The following ZNF536 variants were observed in gnomAD, a reference collection of about 807,000 sequenced individuals.
ZNF536 encodes zinc finger protein 536.
A neutral mutation model predicts 84.5 loss-of-function variants in ZNF536; 13 were observed. The observed-to-expected ratio is 0.15, with a 90% CI of 0.10 to 0.24. ZNF536 has a LOEUF of 0.24. ZNF536 is among the 10% of genes least tolerant of loss of function. The probability of loss-of-function intolerance (pLI) is 1.00; values close to 1 mark genes in which losing one functional copy is unlikely to be tolerated. For missense variants in ZNF536, 1,536 were observed against 1,747.5 expected, an observed-to-expected ratio of 0.88 and a Z score of 2.16; for synonymous variants, 811 against 742.5, an observed-to-expected ratio of 1.09 and a Z score of -1.50.
chr19:30,252,064 C>G (rs917902562), intron 1 of ZNF536, among the ~76,000 whole-genome samples: 1 of 152,116 alleles, frequency 6.6e-6, no homozygotes, highest in African/African-American at 2.4e-5. Flanking sequence ...GGACTAATAT[C>G]CAGAATCTAC....
intron 2 of ZNF536, among the ~76,000 whole-genome samples, chr19:30,519,335 A>T (rs1019663504): frequency 6.6e-6 from 1 of 152,146 alleles, no homozygotes; most frequent in Non-Finnish European, 1.5e-5. Flanking sequence ...CTGTGGCAGG[A>T]GGGACTGGAA....
chr19:30,380,336 G>A (rs868058021), intron 1 of ZNF536, among the ~76,000 whole-genome samples: 4 of 152,086 alleles, frequency 2.6e-5, no homozygotes, highest in South Asian at 2.1e-4. Context: ...AGGAAACTTC[G>A]TCCTTGCAAA....
At chr19:30,371,571 T>G (rs140428415), upstream of ZNF536, among the ~76,000 whole-genome samples, 2,165 of 130,292 alleles carry the variant, frequency 0.017, 69 homozygotes, top group African/African-American at 0.059. Flanking sequence ...TTTTTTTTTT[T>G]GTTTTTTTTT....
chr19:30,374,488 TTAAATATA>T (rs1164872793), intron 1 of ZNF536, among the ~76,000 whole-genome samples: 1 of 142,002 alleles, frequency 7.0e-6, no homozygotes, highest in Non-Finnish European at 1.6e-5. Flanking sequence ...CCATAACCAA[TTAAATATA>T]GTGTTTTTTT....
intron 2 of ZNF536, among the ~76,000 whole-genome samples, chr19:30,530,093 G>T (rs1166908280): frequency 1.3e-5 from 2 of 152,170 alleles, no homozygotes; most frequent in Non-Finnish European, 2.9e-5. Flanking sequence ...AGCTGGCAGG[G>T]GTCTGTCATT....
chr19:30,684,333 C>T (rs891528359), intron 1 of ZNF536, among the ~76,000 whole-genome samples: 34 of 152,110 alleles, frequency 2.2e-4, no homozygotes, highest in African/African-American at 8.2e-4. Context: ...GATGGGGTTT[C>T]ACTATGTTGC....
chr19:30,527,070 C>A (rs1599696472), intron 2 of ZNF536, among the ~76,000 whole-genome samples: 1 of 151,796 alleles, frequency 6.6e-6, no homozygotes, highest in African/African-American at 2.4e-5. Flanking sequence ...AGGTGCCTGC[C>A]ACCACACCTG....
At chr19:30,439,518 CT>C (rs1344738421) in intron 1 of ZNF536, among the ~76,000 whole-genome samples, 1 of 152,230 alleles carries the variant, frequency 6.6e-6, no homozygotes, top group Non-Finnish European at 1.5e-5. Context: ...ACCCCATACT[CT>C]TTCCAGGAAC....
intron 2 of ZNF536, among the ~76,000 whole-genome samples, chr19:30,497,416 A>G (rs1028743119): frequency 2.1e-4 from 32 of 152,176 alleles, no homozygotes; most frequent in African/African-American, 7.5e-4. Flanking sequence ...CTTCTGACAC[A>G]TCTCACTCTA....
At chr19:30,537,076 A>G (rs904907559) in intron 3 of ZNF536, among the ~76,000 whole-genome samples, 1 of 152,158 alleles carries the variant, frequency 6.6e-6, no homozygotes, top group Non-Finnish European at 1.5e-5. Flanking sequence ...TCCATGCACT[A>G]GACTGTGAAC....
At position 30,237,577 on chromosome 19, in the gene ZNF536, C is replaced by G. The variant is rs533299024; in HGVS notation, c.-190+8904C>G. 7.2e-4 allele frequency among the ~76,000 whole-genome samples: 109 copies of G among 152,296 alleles called. 1 individual carries two copies. Among genetic ancestry groups the G allele is most frequent in the African/African-American group, 2.5e-3 (104 of 41,570 alleles). On this transcript the variant is annotated intron_variant, in intron 1 of 5. Coordinates refer to the ZNF536 transcript ENST00000585628. ...CCAAGGCGACCCTCCTTTTACTAAT[C>G]TCTATCATCAACGGACTCTTAACCT...
At chr19:30,458,276 G>A (rs1023810996) in intron 2 of ZNF536, among the ~76,000 whole-genome samples, 3 of 151,726 alleles carry the variant, frequency 2.0e-5, no homozygotes, top group Non-Finnish European at 2.9e-5. Flanking sequence ...ATTCGGAGAC[G>A]CCTCTCAGCT....
At chr19:30,551,021 C>G (rs534169782) in intron 4 of ZNF536, among the ~76,000 whole-genome samples, 195 of 150,790 alleles carry the variant, frequency 1.3e-3, no homozygotes, top group African/African-American at 4.7e-3. Flanking sequence ...AAATTTTTTC[C>G]CCTTTTTTTT....
intron 1 of ZNF536, among the ~76,000 whole-genome samples, chr19:30,679,355 AG>A (rs2050878134): frequency 6.6e-6 from 1 of 152,222 alleles, no homozygotes; most frequent in Non-Finnish European, 1.5e-5. Context: ...CCGGGAAGGA[AG>A]GGAAAGGAGA....
At chr19:30,505,823 A>T (rs2055154673) in intron 2 of ZNF536, among the ~76,000 whole-genome samples, 1 of 151,788 alleles carries the variant, frequency 6.6e-6, no homozygotes, top group South Asian at 2.1e-4. Flanking sequence ...GCGCCAACGC[A>T]CCCGGCTAAT....
chr19:30,292,495 CTTTG>C (rs1253609071), intron 2 of ZNF536, among the ~76,000 whole-genome samples: 4 of 151,968 alleles, frequency 2.6e-5, no homozygotes, highest in Non-Finnish European at 5.9e-5. Context: ...CATCACACTA[CTTTG>C]TTTGTATTTT....
chr19:30,414,780 T>C (rs2050641646), intron 1 of ZNF536, among the ~76,000 whole-genome samples: 1 of 152,256 alleles, frequency 6.6e-6, no homozygotes, highest in Non-Finnish European at 1.5e-5. Context: ...TTTTATTTCC[T>C]CTGTTGTATA....
In ZNF536 at chr19:30,484,682, CTTCT is replaced by C. The variant is rs1568476471; in HGVS notation, c.2170+38953_2170+38956del. 3.3e-3 allele frequency among the ~76,000 whole-genome samples: 419 copies of C among 125,612 alleles called. 3 individuals carry two copies. The highest frequency in any genetic ancestry group is 0.015 in the African/African-American group (397 of 26,812). The allele number at this position is 125,612 out of a possible 152,430, so 82.4% of individuals were successfully genotyped here. On this transcript the variant is annotated intron_variant, in intron 2 of 4. Transcript: ENST00000355537. ...TTTCTTTTTTCTTCTTCTTCTTCTTCTTCTTTTTTTTTTTTTGTCTTCTCTTGAT... is the reference window on the plus strand; with the variant it reads ...TTTCTTTTTTCTTCTTCTTCTTCTTCTTTTTTTTTTTTGTCTTCTCTTGAT...
intron 1 of ZNF536, among the ~76,000 whole-genome samples, chr19:30,396,459 G>C (rs189982013): frequency 9.5e-4 from 144 of 152,244 alleles, no homozygotes; most frequent in African/African-American, 3.2e-3. Flanking sequence ...ATCTTTCTTT[G>C]AGAAGCTTGA....
Sources: allele counts gnomAD v4.1 joint callset (sites outside exome capture counted in the v4.1 genomes callset), GRCh38; gene constraint gnomAD v4.1.1; transcripts MANE v1.5; gene names NCBI Gene and HGNC (gene_info 2026-07-23, HGNC 2026-07-21).